Variants in ACTR3C observed in about 807,000 individuals in gnomAD.
ACTR3C encodes actin-related protein 3C.
ACTR3C carries 18 observed loss-of-function variants against 26.3 expected under a neutral mutation model. The observed-to-expected ratio is 0.68, with a 90% CI of 0.47 to 1.01. The LOEUF is 1.01. Among genes scored for constraint, ACTR3C ranks in the 50% least tolerant of loss-of-function variants. ACTR3C has a pLI of 0.00. For synonymous variants in ACTR3C, 55 were observed against 94.5 expected (o/e 0.58, Z 2.42); for missense variants, 184 against 250.7 (o/e 0.73, Z 1.80).
the ACTR3C span, among the ~76,000 whole-genome samples, chr7:150,051,379 C>T: frequency 4.0e-5 from 1 of 25,046 alleles, no homozygotes; most frequent in Non-Finnish European, 1.0e-4. Flanking sequence ...CCCTTATCCA[C>T]ACACACACAC....
chr7:150,186,949 A>C, the ACTR3C span, among the ~76,000 whole-genome samples: 1 of 152,206 alleles, frequency 6.6e-6, no homozygotes, highest in Non-Finnish European at 1.5e-5. Flanking sequence ...AAAAAAGGTC[A>C]GTAGAGAAGC....
intron 1 of ACTR3C, among the ~76,000 whole-genome samples, chr7:150,322,299 AG>A (rs1315690542): frequency 1.3e-5 from 2 of 152,254 alleles, no homozygotes; most frequent in Non-Finnish European, 1.5e-5. Context: ...AGGCATTCTA[AG>A]TCACAGGATG....
At chr7:150,198,932 G>T in the ACTR3C span, among the ~76,000 whole-genome samples, 1 of 144,124 alleles carries the variant, frequency 6.9e-6, no homozygotes, top group African/African-American at 2.7e-5. Flanking sequence ...GAGGGAGGTG[G>T]GGGGGTCAGC....
chr7:150,180,538 A>T, the ACTR3C span, among the ~76,000 whole-genome samples: 1 of 108,384 alleles, frequency 9.2e-6, no homozygotes, highest in African/African-American at 4.0e-5. Flanking sequence ...TCTGAGAGGG[A>T]GTCTCGCTCT....
the ACTR3C span, among the ~76,000 whole-genome samples, chr7:150,042,188 TCC>T: frequency 8.8e-4 from 11 of 12,468 alleles, no homozygotes; most frequent in Non-Finnish European, 1.2e-3. Context: ...GGGGGGTGCC[TCC>T]CCCCCCCTGC....
chr7:150,112,661 A>T, the ACTR3C span, among the ~76,000 whole-genome samples: 2 of 152,180 alleles, frequency 1.3e-5, no homozygotes, highest in African/African-American at 4.8e-5. Flanking sequence ...TCAAGGGAAA[A>T]AAAGGAGGAG....
At chr7:150,295,213 C>T (rs1836637682) in intron 2 of ACTR3C, 39 bp downstream of exon 2, 2 of 1,609,154 alleles carry the variant, frequency 1.2e-6, no homozygotes, top group African/African-American at 1.3e-5. Flanking sequence ...TACTAGACAG[C>T]TCAGGTGCTT....
the ACTR3C span, among the ~76,000 whole-genome samples, chr7:150,127,834 C>T: frequency 6.6e-6 from 1 of 150,984 alleles, no homozygotes; most frequent in Non-Finnish European, 1.5e-5. Flanking sequence ...TACATCTAAC[C>T]CACTTTTAGA....
intron 6 of ACTR3C, among the ~76,000 whole-genome samples, chr7:150,250,299 G>C (rs1832753727): frequency 6.7e-6 from 1 of 149,552 alleles, no homozygotes; most frequent in Admixed American, 6.6e-5. Context: ...TGCCTCCCGG[G>C]TTCACGCCAC....
the ACTR3C span, among the ~76,000 whole-genome samples, chr7:150,210,677 T>C: frequency 6.7e-6 from 1 of 148,932 alleles, no homozygotes; most frequent in African/African-American, 2.6e-5. Flanking sequence ...AAATGGAAAG[T>C]AATATATAGT....
the ACTR3C span, among the ~76,000 whole-genome samples, chr7:150,101,519 T>A: frequency 1.5e-4 from 23 of 151,744 alleles, 1 homozygote; most frequent in Non-Finnish European, 3.2e-4. Context: ...CACAAAACAA[T>A]ACAGCTCAGG....
At chr7:149,993,515 A>G in the ACTR3C span, among the ~76,000 whole-genome samples, 1 of 152,180 alleles carries the variant, frequency 6.6e-6, no homozygotes, top group Non-Finnish European at 1.5e-5. Context: ...TGCCATCAGT[A>G]TGGCTGATGG....
chr7:149,887,593 C>A, the ACTR3C span, among the ~76,000 whole-genome samples: 1 of 152,208 alleles, frequency 6.6e-6, no homozygotes, highest in Non-Finnish European at 1.5e-5. Context: ...CTGGCTTGCA[C>A]ATGTCCTGGA....
At position 150,315,972 on chromosome 7, in the gene ACTR3C, T is replaced by C. The variant is rs958317146; in HGVS notation, c.-52+7497A>G. ...CAGCACTTCGGGAGGCCGAGGCGGGTGGATCACCTGAGGTCAGGAGTTCGA... is the reference window on the plus strand; with the variant it reads ...CAGCACTTCGGGAGGCCGAGGCGGGCGGATCACCTGAGGTCAGGAGTTCGA... On this transcript the variant is annotated intron_variant, in intron 1 of 7. Coordinates refer to ENST00000683684, the MANE Select transcript of ACTR3C (RefSeq NM_001164458.2). 3.3e-5 allele frequency among the ~76,000 whole-genome samples: 5 copies of C among 152,084 alleles called. No individual in the cohort carries two copies. In the South Asian group the frequency reaches 8.3e-4, roughly 25 times the overall value.
At chr7:150,189,336 T>C in the ACTR3C span, among the ~76,000 whole-genome samples, 1 of 152,232 alleles carries the variant, frequency 6.6e-6, no homozygotes, top group African/African-American at 2.4e-5. Context: ...TACTCATCTA[T>C]AATAGAGTTA....
At chr7:149,907,988 C>T in the ACTR3C span, among the ~76,000 whole-genome samples, 10 of 151,804 alleles carry the variant, frequency 6.6e-5, no homozygotes, top group African/African-American at 2.4e-4. Context: ...AGCCCTAACC[C>T]TCAATGTGAC....
the ACTR3C span, among the ~76,000 whole-genome samples, chr7:149,990,302 T>A: frequency 6.9e-6 from 1 of 144,696 alleles, no homozygotes; most frequent in Non-Finnish European, 1.5e-5. Context: ...AGCATTCACA[T>A]ATCACCTGTT....
chr7:150,239,739 A>G (rs1251856706), downstream of ACTR3C, among the ~76,000 whole-genome samples: 4 of 150,106 alleles, frequency 2.7e-5, no homozygotes, highest in Non-Finnish European at 5.9e-5. Flanking sequence ...GAATTTAGCA[A>G]AAATCTGGGC....
At chr7:150,126,153 C>A in the ACTR3C span, among the ~76,000 whole-genome samples, 1 of 152,184 alleles carries the variant, frequency 6.6e-6, no homozygotes, top group Non-Finnish European at 1.5e-5. Flanking sequence ...ACACTCAGGG[C>A]CCCGTGTTGG....
Sources: allele counts gnomAD v4.1 joint callset (sites outside exome capture counted in the v4.1 genomes callset), GRCh38; gene constraint gnomAD v4.1.1; transcripts MANE v1.5; gene names NCBI Gene and HGNC (gene_info 2026-07-23, HGNC 2026-07-21).